The following DNAAF19 variants were observed in gnomAD, a reference collection of about 807,000 sequenced individuals.
The protein encoded by DNAAF19 is coiled-coil domain containing 103.
the DNAAF19 span, chr17:44,901,530 C>G: frequency 3.1e-6 from 5 of 1,614,112 alleles, no homozygotes; most frequent in East Asian, 1.1e-4. Context: ...GGGTATTGTC[C>G]TTGCATCACA....
At chr17:44,900,342 G>A in the DNAAF19 span, among the ~76,000 whole-genome samples, 6 of 151,926 alleles carry the variant, frequency 3.9e-5, no homozygotes, top group Non-Finnish European at 5.9e-5. Flanking sequence ...CCTCAGATAT[G>A]CAGAAACTAC....
chr17:44,900,592 C>G, the DNAAF19 span, among the ~76,000 whole-genome samples: 1 of 152,266 alleles, frequency 6.6e-6, no homozygotes, highest in African/African-American at 2.4e-5. Context: ...AAGAGTTCTG[C>G]CTTTGTGTGA....
At chr17:44,903,693 A>G in the DNAAF19 span, 3 of 1,438,026 alleles carry the variant, frequency 2.1e-6, no homozygotes, top group Non-Finnish European at 2.7e-6. Context: ...CTTCCTCTGC[A>G]GATTGTTGCT....
chr17:44,904,566 C>A, the DNAAF19 span: 1 of 1,550,590 alleles, frequency 6.4e-7, no homozygotes, highest in Non-Finnish European at 8.7e-7. Context: ...TGTGAGAAGA[C>A]AAAGACCATC....
the DNAAF19 span, chr17:44,904,482 C>A: frequency 6.5e-7 from 1 of 1,547,704 alleles, no homozygotes; most frequent in African/African-American, 1.4e-5. Context: ...GGCTCAAGGG[C>A]TGTGCCAAGG....
chr17:44,904,795 G>T, the DNAAF19 span: 1 of 1,550,690 alleles, frequency 6.4e-7, no homozygotes, highest in South Asian at 1.2e-5. Context: ...CCATGAGGGT[G>T]TTCATTGACC....
the DNAAF19 span, chr17:44,902,307 C>T: frequency 6.2e-7 from 1 of 1,608,474 alleles, no homozygotes; most frequent in Non-Finnish European, 8.5e-7. Context: ...CCCTCCCTGT[C>T]ACTGTTGCAG....
At chr17:44,901,568 G>A in the DNAAF19 span, 1 of 1,614,162 alleles carries the variant, frequency 6.2e-7, no homozygotes, top group African/African-American at 1.3e-5. Flanking sequence ...GGAAGGATAA[G>A]ATGGGAGGAA....
the DNAAF19 span, chr17:44,903,328 G>T: frequency 8.0e-7 from 1 of 1,247,014 alleles, no homozygotes; most frequent in Non-Finnish European, 1.0e-6. Context: ...TCTTGTGCAG[G>T]TTGGGCCTGG....
the DNAAF19 span, chr17:44,904,840 G>T: frequency 2.7e-4 from 421 of 1,550,634 alleles, 4 homozygotes; most frequent in South Asian, 4.7e-3. Context: ...TCACCCAGCT[G>T]GATGACCGGG....
chr17:44,901,424 G>T, the DNAAF19 span: 1 of 1,390,772 alleles, frequency 7.2e-7, no homozygotes, highest in African/African-American at 1.4e-5. Flanking sequence ...ATATTGGTCC[G>T]TAACAGGTTT....
At chr17:44,904,774 T>C in the DNAAF19 span, 1 of 1,550,400 alleles carries the variant, frequency 6.4e-7, no homozygotes, top group Non-Finnish European at 8.7e-7. Context: ...ACCTGAAGGG[T>C]GTCAACAGGT....
chr17:44,904,297 G>A, the DNAAF19 span: 12 of 1,548,170 alleles, frequency 7.8e-6, no homozygotes, highest in Non-Finnish European at 1.0e-5. Flanking sequence ...AGGGCCAGGA[G>A]CCCTTTGCAG....
chr17:44,900,795 T>C, the DNAAF19 span, among the ~76,000 whole-genome samples: 1 of 152,218 alleles, frequency 6.6e-6, no homozygotes, highest in East Asian at 1.9e-4. Flanking sequence ...GGACAAGTCT[T>C]GTGTAAGTCC....
chr17:44,904,561 G>A, the DNAAF19 span: 1 of 1,550,604 alleles, frequency 6.4e-7, no homozygotes, highest in Non-Finnish European at 8.7e-7. Context: ...TACCCTGTGA[G>A]AAGACAAAGA....
At chr17:44,901,523 T>G in the DNAAF19 span, 6 of 1,614,084 alleles carry the variant, frequency 3.7e-6, no homozygotes, top group Non-Finnish European at 5.1e-6. Flanking sequence ...CCTACAGGGG[T>G]ATTGTCCTTG....
the DNAAF19 span, chr17:44,904,956 C>A: frequency 1.3e-6 from 2 of 1,550,702 alleles, no homozygotes; most frequent in South Asian, 1.2e-5. Flanking sequence ...GAGACTCGCT[C>A]GGCTGTGGAG....
chr17:44,899,868 T>C, the DNAAF19 span: 2 of 152,296 alleles, frequency 1.3e-5, no homozygotes, highest in African/African-American at 4.8e-5. Context: ...GGGTTAGTTC[T>C]ATGTATTAAA....
chr17:44,901,029 G>T, the DNAAF19 span: 2 of 1,603,198 alleles, frequency 1.2e-6, no homozygotes, highest in Middle Eastern at 1.7e-4. Flanking sequence ...CAACTTCAAG[G>T]CTTTGGAGAA....
Sources: allele counts gnomAD v4.1 joint callset (sites outside exome capture counted in the v4.1 genomes callset), GRCh38; gene constraint gnomAD v4.1.1; transcripts MANE v1.5; gene names NCBI Gene and HGNC (gene_info 2026-07-23, HGNC 2026-07-21).